FGF10: variants seen among roughly 807,000 people sequenced by gnomAD.
FGF10 encodes the protein FGF-10.
A neutral mutation model predicts 19.8 loss-of-function variants in FGF10; 2 were observed. The ratio of observed to expected loss-of-function variants is 0.10; its 90% CI spans 0.04 to 0.32. The LOEUF is 0.32. Among genes scored for constraint, FGF10 ranks in the 10% least tolerant of loss-of-function variants. FGF10 has a pLI of 1.00. For synonymous variants in FGF10, 112 were observed against 94.0 expected, an observed-to-expected ratio of 1.19 and a Z score of -1.10; for missense variants, 191 against 246.3, an observed-to-expected ratio of 0.78 and a Z score of 1.50.
chr5:44,329,112 T>C (rs1042439760), intron 1 of FGF10, among the ~76,000 whole-genome samples: 4 of 152,212 alleles, frequency 2.6e-5, no homozygotes, highest in Non-Finnish European at 5.9e-5. Context: ...TAGATTGTGC[T>C]CTTACTGTTA....
intron 1 of FGF10, among the ~76,000 whole-genome samples, chr5:44,354,962 T>C (rs1446979095): frequency 6.6e-6 from 1 of 151,494 alleles, no homozygotes; most frequent in Non-Finnish European, 1.5e-5. Flanking sequence ...AGTTCCCTTT[T>C]TCATTCATCA....
intron 1 of FGF10, among the ~76,000 whole-genome samples, chr5:44,312,321 C>T (rs1740231316): frequency 6.6e-6 from 1 of 151,918 alleles, no homozygotes; most frequent in Non-Finnish European, 1.5e-5. Flanking sequence ...ACGGAAGATA[C>T]TTAGGTTATT....
intron 1 of FGF10, among the ~76,000 whole-genome samples, chr5:44,310,866 C>T (rs1374464207): frequency 6.6e-6 from 1 of 152,136 alleles, no homozygotes; most frequent in Non-Finnish European, 1.5e-5. Context: ...CAACTCTACT[C>T]ATCTTAGCCT....
intron 1 of FGF10, among the ~76,000 whole-genome samples, chr5:44,366,127 C>CCTTTT (rs1554039043): frequency 5.3e-5 from 4 of 74,810 alleles, no homozygotes; most frequent in Admixed American, 2.3e-4. Context: ...CAATTATTTC[C>CCTTTT]TTTTTTTTTT....
intron 1 of FGF10, among the ~76,000 whole-genome samples, chr5:44,380,426 T>C (rs1741958683): frequency 6.6e-6 from 1 of 152,232 alleles, no homozygotes; most frequent in African/African-American, 2.4e-5. Context: ...TAACTCCTGT[T>C]GGTGTTTCAA....
intron 2 of FGF10, among the ~76,000 whole-genome samples, chr5:44,307,176 T>C (rs144336606): frequency 3.9e-4 from 60 of 152,308 alleles, no homozygotes; most frequent in African/African-American, 1.3e-3. Context: ...AGTGCACATG[T>C]ATCAGCCTTT....
chr5:44,340,480 T>C (rs1330770557), intron 1 of FGF10, among the ~76,000 whole-genome samples: 2 of 152,070 alleles, frequency 1.3e-5, no homozygotes, highest in African/African-American at 4.8e-5. Context: ...TTCAATGACA[T>C]TATATGCAGC....
intron 1 of FGF10, among the ~76,000 whole-genome samples, chr5:44,331,726 G>A (rs1561204126): frequency 6.6e-6 from 1 of 151,990 alleles, no homozygotes; most frequent in African/African-American, 2.4e-5. Flanking sequence ...ATCCCATTTT[G>A]CATGCAAAAT....
At chr5:44,305,877 TG>T (rs1240073528) in intron 2 of FGF10, among the ~76,000 whole-genome samples, 1 of 152,196 alleles carries the variant, frequency 6.6e-6, no homozygotes, top group African/African-American at 2.4e-5. Flanking sequence ...ACTACTATGT[TG>T]AAGAAATTAT....
rs549966183 is a variant in FGF10 at position 44,374,219 on chromosome 5, C to T, written c.325+14139G>A. Among the ~76,000 whole-genome samples, 7 of 152,246 alleles carry T rather than the reference C, an allele frequency of 4.6e-5. No homozygotes were observed. The East Asian group carries it at 1.4e-3, about 29-fold the overall frequency. The stretch of plus-strand genomic sequence containing the variant: ...TCTTTCTGTTTCCATTTTCAAAATG[C>T]CTTCTGCCTTCTGTGCTTCTACGTA... On this transcript the variant is annotated intron_variant, in intron 1 of 2. Coordinates refer to ENST00000264664, the MANE Select transcript of FGF10 (RefSeq NM_004465.2).
intron 1 of FGF10, among the ~76,000 whole-genome samples, chr5:44,356,670 A>T (rs1741354321): frequency 6.6e-6 from 1 of 151,482 alleles, no homozygotes; most frequent in Admixed American, 6.6e-5. Flanking sequence ...AATATTGTAC[A>T]GCATTATCAA....
At chr5:44,343,780 C>A (rs567289397) in intron 1 of FGF10, among the ~76,000 whole-genome samples, 1 of 151,722 alleles carries the variant, frequency 6.6e-6, no homozygotes, top group Non-Finnish European at 1.5e-5. Context: ...ATGTGATCAC[C>A]TTCTATTTAT....
chr5:44,325,958 T>C (rs1259981427), intron 1 of FGF10, among the ~76,000 whole-genome samples: 1 of 152,212 alleles, frequency 6.6e-6, no homozygotes, highest in African/African-American at 2.4e-5. Context: ...TCATACAGCA[T>C]ATATTTCACA....
intron 2 of FGF10, among the ~76,000 whole-genome samples, chr5:44,305,584 A>T (rs1159422797): frequency 6.6e-6 from 1 of 152,106 alleles, no homozygotes; most frequent in Non-Finnish European, 1.5e-5. Context: ...CAGGGGCCCC[A>T]TGGGAAAAAA....
chr5:44,342,577 G>A (rs1740994849), intron 1 of FGF10, among the ~76,000 whole-genome samples: 1 of 151,494 alleles, frequency 6.6e-6, no homozygotes, highest in African/African-American at 2.4e-5. Context: ...GCCACGTATA[G>A]GTTAAGCACT....
chr5:44,355,131 C>G (rs1741317929), intron 1 of FGF10, among the ~76,000 whole-genome samples: 1 of 151,426 alleles, frequency 6.6e-6, no homozygotes, highest in Admixed American at 6.6e-5. Context: ...CAAGAACATT[C>G]ATTTCACTTG....
intron 2 of FGF10, among the ~76,000 whole-genome samples, chr5:44,309,161 G>T (rs1184215661): frequency 6.6e-6 from 1 of 152,004 alleles, no homozygotes; most frequent in Non-Finnish European, 1.5e-5. Flanking sequence ...TGTGTCACAG[G>T]TTTTATTTCT....
intron 1 of FGF10, among the ~76,000 whole-genome samples, chr5:44,335,834 C>T (rs1237543602): frequency 6.6e-6 from 1 of 151,928 alleles, no homozygotes; most frequent in Non-Finnish European, 1.5e-5. Flanking sequence ...ATTTTAGTAA[C>T]TCATATAAAC....
intron 1 of FGF10, among the ~76,000 whole-genome samples, chr5:44,385,740 G>A (rs1276929095): frequency 6.6e-6 from 1 of 152,144 alleles, no homozygotes; most frequent in Non-Finnish European, 1.5e-5. Context: ...TGTAGGCATG[G>A]TAAAAGTTTG....
Sources: allele counts gnomAD v4.1 joint callset (sites outside exome capture counted in the v4.1 genomes callset), GRCh38; gene constraint gnomAD v4.1.1; transcripts MANE v1.5; gene names NCBI Gene and HGNC (gene_info 2026-07-23, HGNC 2026-07-21).